TOP2A: variants seen among roughly 807,000 people sequenced by gnomAD.
TOP2A encodes DNA topoisomerase II alpha.
TOP2A carries 68 observed loss-of-function variants against 187.2 expected under a neutral mutation model. That is an observed-to-expected ratio of 0.36 (90% CI 0.30 to 0.44). The LOEUF (loss-of-function observed/expected upper bound fraction) is 0.44. Among genes scored for constraint, TOP2A ranks in the 20% least tolerant of loss-of-function variants. TOP2A has a pLI of 1.00. For missense variants in TOP2A, 1,196 were observed against 1,808.7 expected (o/e 0.66, Z 6.14); for synonymous variants, 542 against 593.2 (o/e 0.91, Z 1.25).
intron 16 of TOP2A, 107 bp from the exon 17 acceptor site, chr17:40,404,990 CTTTTTTTT>C (rs1265795492): frequency 1.8e-6 from 1 of 544,180 alleles, no homozygotes; most frequent in African/African-American, 2.1e-5. Context: ...TACTGTTTTC[CTTTTTTTT>C]TTTTTTTGAG....
rs1253311227 is a variant in TOP2A, at chr17:40,391,096, C to G, written c.4267+410G>C. 3 of 156,250 alleles carry G rather than the reference C, an allele frequency of 1.9e-5. No homozygotes were observed. In the Admixed American group the frequency reaches 2.0e-4, roughly 10 times the overall value. 9.7% of individuals were successfully genotyped at this position (156,250 alleles called of 1,614,324 possible). On this transcript the variant is annotated intron_variant, in intron 33 of 34. Coordinates refer to ENST00000423485, the MANE Select transcript of TOP2A (RefSeq NM_001067.4). ...GGAGACAGGGTCTTGCTCTCTCACT[C>G]AGGCTGGAGTGCAGTGGCTTGATCA...
chr17:40,404,757 A>C (rs753708019), intron 17 of TOP2A, 34 bp downstream of exon 17: 3 of 1,385,260 alleles, frequency 2.2e-6, no homozygotes, highest in African/African-American at 2.8e-5. Context: ...TCAGTCTAAC[A>C]ATCCATTTTG....
chr17:40,395,630 T>G lies in TOP2A; in HGVS notation c.3721-91A>C, dbSNP rs1339708694. The G allele has an allele frequency of 5.8e-6, 5 of 856,002 alleles. No individual in the cohort carries two copies. The African/African-American group carries it at 6.9e-5, about 12-fold the overall frequency. The allele number at this position is 856,002 out of a possible 1,614,324, so 53.0% of individuals were successfully genotyped here. On this transcript the variant is annotated intron_variant, in intron 28 of 34. Coordinates refer to ENST00000423485, the MANE Select transcript of TOP2A (RefSeq NM_001067.4). ...TACATTTTTGGCTGGGAGCGGTGGC[T>G]CACGCCTGTAATCCCAGCACTTTGG...
chr17:40,411,855 T>C lies in TOP2A; in HGVS notation c.790-37A>G. The C allele has an allele frequency of 2.7e-6, 4 of 1,503,838 alleles. No individual in the cohort carries two copies. Among genetic ancestry groups the C allele is most frequent in the Non-Finnish European group, 3.6e-6 (4 of 1,122,114 alleles). 93.2% of individuals were successfully genotyped at this position (1,503,838 alleles called of 1,614,324 possible). ...TTAAAGGTAACAGTATTAAGAAAGTTATTAAAAAATAGGTTCAATGATAGA... is the reference window on the plus strand; with the variant it reads ...TTAAAGGTAACAGTATTAAGAAAGTCATTAAAAAATAGGTTCAATGATAGA... On this transcript the variant is annotated intron_variant, in intron 7 of 34. Coordinates refer to ENST00000423485, the MANE Select transcript of TOP2A (RefSeq NM_001067.4). This position sits in a 1 kb window ranked among gnomAD's most constrained non-coding sequence, Gnocchi z 4.4.
chr17:40,413,132 G>T, intron 6 of TOP2A, 63 bp downstream of exon 6: 2 of 1,339,276 alleles, frequency 1.5e-6, no homozygotes, highest in Non-Finnish European at 2.1e-6. Context: ...AATCATTAAT[G>T]CCATTATAAA....
intron 27 of TOP2A, among the ~76,000 whole-genome samples, chr17:40,398,182 C>T (rs1052262794): frequency 8.1e-5 from 11 of 135,700 alleles, no homozygotes; most frequent in Non-Finnish European, 1.7e-4. Context: ...GGTGTGATCT[C>T]GGTTCACTGC....
In TOP2A at chr17:40,404,487, T is replaced by C. The variant is rs746109594; in HGVS notation, c.2051A>G (p.Tyr684Cys). Residue 684 changes from tyrosine (Y) to cysteine (C), a missense_variant, in exon 18 of 35, where the codon TAC becomes TGC. Around this residue, in one of 10 missense-constraint regions of TOP2A, gnomAD observed 209 missense variants for 376.9 expected, o/e 0.55. Transcript: ENST00000423485. ...ATATGTGGTAGTTTGTCCATACAAG[T>C]AATCCTGAAGGACCAAATAGTATTA... ...QRKLLGLPED[Y>C]LYGQTTTYLT... is the part of the protein sequence containing the mutation. 27 of 1,582,740 alleles carry C rather than the reference T, an allele frequency of 1.7e-5. No individual in the cohort carries two copies. The South Asian group carries it at 2.7e-4, about 16-fold the overall frequency.
rs1315004736 is a variant in TOP2A at position 40,413,523 on chromosome 17, G to C, written c.435C>G (p.Leu145=). 3 of 1,543,318 alleles carry C rather than the reference G, an allele frequency of 1.9e-6. No homozygotes were observed. Among genetic ancestry groups the C allele is most frequent in the Non-Finnish European group, 2.6e-6 (3 of 1,143,640 alleles). The part of the protein sequence containing the change: ...MYVPALIFGQ[L]LTSSNYDDDE... ...CATCATCATAGTTACTAGAAGTTAG[G>C]AGCTGTCCAAATATGAGAGCTGGGA... The change falls in exon 5 of 35, where the codon CTC becomes CTG. Residue 145 remains leucine, a synonymous_variant. Coordinates refer to ENST00000423485, the MANE Select transcript of TOP2A (RefSeq NM_001067.4).
At chr17:40,417,470 G>T (rs940655036) in intron 1 of TOP2A, 59 of 1,197,190 alleles carry the variant, frequency 4.9e-5, no homozygotes, top group Non-Finnish European at 6.3e-5. Context: ...CTGTACGCGC[G>T]ACTCAATAAC....
chr17:40,400,231 G>C lies in TOP2A; in HGVS notation c.2978C>G (p.Thr993Ser). The C allele has an allele frequency of 6.2e-7, 1 of 1,613,904 alleles. No homozygotes were observed. Among genetic ancestry groups the C allele is most frequent in the Non-Finnish European group, 8.5e-7 (1 of 1,179,850 alleles). Residue 993 changes from threonine to serine, a missense_variant, in exon 23 of 35, where the codon ACT (threonine) becomes AGT (serine). Transcript: ENST00000423485. Reference sequence around the variant, plus strand: ...TACCATAGAGTTGCATGTGAGACTAGTTTGGAGTTTGAAGACTTTGTGTAG... The same window carrying C: ...TACCATAGAGTTGCATGTGAGACTACTTTGGAGTTTGAAGACTTTGTGTAG... ...VGLHKVFKLQ[T>S]SLTCNSMVLF... is the part of the protein sequence containing the mutation.
rs2035138084 is a variant in TOP2A, at chr17:40,398,897, T to C, written c.3329A>G (p.Lys1110Arg). 1.2e-6 allele frequency: 2 copies of C among 1,612,438 alleles called. No individual in the cohort carries two copies. The highest frequency in any genetic ancestry group is 1.7e-6 in the Non-Finnish European group (2 of 1,179,470). Residue 1110 changes from lysine to arginine, a missense_variant, in exon 26 of 35, where the codon AAG (lysine) becomes AGG (arginine). Transcript: ENST00000423485. The stretch of plus-strand genomic sequence containing the variant: ...TACGGAGTCACTCTTTTCAGTTTCC[T>C]TTTCGTTGTCACTCTCTTCATTTTC... ...EEENEESDNE[K>R]ETEKSDSVTD...
chr17:40,400,520 A>G lies in TOP2A; in HGVS notation c.2799+9T>C, dbSNP rs368264033. ...CACAAACCTAAAAAAGAAATCCATA[A>G]TTATTTACCTGGGTCCATGTTCTGA... On this transcript the variant is annotated intron_variant, in intron 22 of 34. Coordinates refer to ENST00000423485, the MANE Select transcript of TOP2A (RefSeq NM_001067.4). 2.5e-6 allele frequency: 4 copies of G among 1,604,222 alleles called. No individual in the cohort carries two copies. The highest frequency in any genetic ancestry group is 2.7e-5 in the African/African-American group (2 of 74,438).
Position 40,389,472 on chromosome 17 carries a change from A to G in TOP2A, c.*47T>C, listed in dbSNP as rs775501165. 1.3e-6 allele frequency: 2 copies of G among 1,546,518 alleles called. No individual in the cohort carries two copies. The highest frequency in any genetic ancestry group is 2.4e-5 in the South Asian group (2 of 82,728). On this transcript the variant is annotated 3_prime_UTR_variant, in exon 35 of 35. Transcript: ENST00000423485. Reference sequence around the variant, plus strand: ...AAGAGCTTCAGGTAACTTTAAAACCAGTCTTGGGCTTGGTAAGATAATTAC... The same window carrying G: ...AAGAGCTTCAGGTAACTTTAAAACCGGTCTTGGGCTTGGTAAGATAATTAC...
chr17:40,408,784 C>T lies in TOP2A; in HGVS notation c.1204-154G>A, dbSNP rs1289905316. 6 of 804,766 alleles carry T rather than the reference C, an allele frequency of 7.5e-6. No individual in the cohort carries two copies. The African/African-American group carries it at 8.5e-5, about 11-fold the overall frequency. The allele number at this position is 804,766 out of a possible 1,614,324, so 49.9% of individuals were successfully genotyped here. On this transcript the variant is annotated intron_variant, in intron 10 of 34. Coordinates refer to ENST00000423485, the MANE Select transcript of TOP2A (RefSeq NM_001067.4). ...TTCTGGATAGAGGGTGGCACATCTT[C>T]CCATGTCAGGTTATCACCACTGAGG...
At position 40,406,634 on chromosome 17, in the gene TOP2A, C is replaced by A; in HGVS notation, c.1793G>T (p.Trp598Leu). 1 of 1,612,454 alleles carries A rather than the reference C, an allele frequency of 6.2e-7. No individual in the cohort carries two copies. Among genetic ancestry groups the A allele is most frequent in the South Asian group, 1.1e-5 (1 of 90,960 alleles). The change falls in exon 15 of 35, where the codon TGG (tryptophan) becomes TTG (leucine). Residue 598 changes from tryptophan to leucine, a missense_variant. Physicochemically the swap from Trp to Leu is moderately conservative, Grantham distance 61. Coordinates refer to ENST00000423485, the MANE Select transcript of TOP2A (RefSeq NM_001067.4). ...TTTATGATTTGGAGTAGAACTCTTCCACTCTTCAAATTCAGGAAGGCTGTA... is the reference window on the plus strand; with the variant it reads ...TTTATGATTTGGAGTAGAACTCTTCAACTCTTCAAATTCAGGAAGGCTGTA... The part of the protein sequence containing the change: ...AFYSLPEFEE[W>L]KSSTPNHKKW...
Position 40,416,466 on chromosome 17 carries a change from A to G in TOP2A, c.224T>C (p.Val75Ala). 1 of 1,604,886 alleles carries G rather than the reference A, an allele frequency of 6.2e-7. No individual in the cohort carries two copies. The highest frequency in any genetic ancestry group is 8.5e-7 in the Non-Finnish European group (1 of 1,174,884). ...TTTGTACAAACCAGGAACAAAAGTG[A>G]CTTCCCTATAGTTAATGCCAACATC... ...DEDVGINYRE[V>A]TFVPGLYKIF... The change falls in exon 3 of 35, where the codon GTC becomes GCC. Residue 75 changes from valine to alanine, a missense_variant. Coordinates refer to ENST00000423485, the MANE Select transcript of TOP2A (RefSeq NM_001067.4).
chr17:40,395,513 T>C lies in TOP2A; in HGVS notation c.3747A>G (p.Gln1249=), dbSNP rs936311995. The change falls in exon 29 of 35, where the codon CAA becomes CAG. Residue 1249 remains glutamine (Q), a synonymous_variant. Coordinates refer to ENST00000423485, the MANE Select transcript of TOP2A (RefSeq NM_001067.4). ...GGCCTTCTAGTTCCACACCATCTTC[T>C]TGAGGGCTTCCTTCAGTATTTTCAT... ...IKNENTEGSP[Q]EDGVELEGLK... is the part of the protein sequence containing the mutation. 1 of 1,611,954 alleles carries C rather than the reference T, an allele frequency of 6.2e-7. No individual in the cohort carries two copies. Among genetic ancestry groups the C allele is most frequent in the South Asian group, 1.1e-5 (1 of 90,854 alleles).
intron 17 of TOP2A, 91 bp downstream of exon 17, chr17:40,404,700 A>G (rs952890860): frequency 1.1e-6 from 1 of 913,320 alleles, no homozygotes; most frequent in Non-Finnish European, 1.7e-6. Context: ...TTTTACTAAA[A>G]TAACTATTCA....
At chr17:40,402,001 TA>T (rs2035188567) in intron 20 of TOP2A, among the ~76,000 whole-genome samples, 1 of 152,192 alleles carries the variant, frequency 6.6e-6, no homozygotes, top group Non-Finnish European at 1.5e-5. Context: ...ACTTATTTTT[TA>T]AAAAATAATT....
Sources: allele counts gnomAD v4.1 joint callset (sites outside exome capture counted in the v4.1 genomes callset), GRCh38; gene constraint gnomAD v4.1.1; regional missense constraint gnomAD v4.1.1; non-coding constraint Gnocchi (gnomAD v3.1); transcripts MANE v1.5; gene names NCBI Gene and HGNC (gene_info 2026-07-23, HGNC 2026-07-21).